PARP16: variants seen among roughly 807,000 people sequenced by gnomAD.
PARP16 encodes the protein poly(ADP-ribose) polymerase family member 16.
PARP16 carries 31 observed loss-of-function variants against 35.0 expected under a neutral mutation model. The ratio of observed to expected loss-of-function variants is 0.88; its 90% CI spans 0.66 to 1.19. PARP16 has a LOEUF of 1.19. PARP16 is among the 50% of genes most tolerant of loss of function. PARP16 has a pLI of 0.00. For synonymous variants in PARP16, 162 were observed against 169.5 expected (o/e 0.96, Z 0.34); for missense variants, 424 against 411.2 (o/e 1.03, Z -0.27).
chr15:65,260,740 T>A (rs1300781697), intron 5 of PARP16, 145 bp downstream of exon 5: 4 of 703,914 alleles, frequency 5.7e-6, no homozygotes, highest in Non-Finnish European at 2.5e-6. Flanking sequence ...ATCCTATCTC[T>A]CACTTCTCAC....
At chr15:65,266,482 G>A in intron 3 of PARP16, 80 bp downstream of exon 3, 2 of 1,218,060 alleles carry the variant, frequency 1.6e-6, no homozygotes, top group Non-Finnish European at 2.4e-6. Flanking sequence ...CAAACTCCTA[G>A]GGTTCTGAAT....
At chr15:65,264,622 A>G (rs2089834419) in intron 3 of PARP16, among the ~76,000 whole-genome samples, 2 of 152,140 alleles carry the variant, frequency 1.3e-5, no homozygotes, top group Admixed American at 6.6e-5. Flanking sequence ...ACCTTCTCCA[A>G]TGACACTGGA....
chr15:65,274,555 C>T (rs2090191842), intron 1 of PARP16, among the ~76,000 whole-genome samples: 1 of 146,078 alleles, frequency 6.8e-6, no homozygotes, highest in Non-Finnish European at 1.5e-5. Flanking sequence ...GCCTGGGTGA[C>T]AGAGTGAAAC....
chr15:65,240,150 T>C (rs2089016365), intron 3 of PARP16, among the ~76,000 whole-genome samples: 1 of 150,732 alleles, frequency 6.6e-6, no homozygotes, highest in Admixed American at 6.6e-5. Flanking sequence ...TTTCTTTTCT[T>C]TTTTTTGTTT....
chr15:65,233,474 C>T (rs1280058084), downstream of PARP16, among the ~76,000 whole-genome samples: 2 of 152,096 alleles, frequency 1.3e-5, no homozygotes, highest in African/African-American at 2.4e-5. Flanking sequence ...CACGGTGGCT[C>T]ATGCCTGTAA....
At chr15:65,239,636 T>C (rs2088994609) in intron 3 of PARP16, among the ~76,000 whole-genome samples, 2 of 146,590 alleles carry the variant, frequency 1.4e-5, no homozygotes, top group Non-Finnish European at 1.5e-5. Flanking sequence ...TTTTATGTGA[T>C]AGAAAATAGT....
chr15:65,278,986 T>G (rs554462761), intron 1 of PARP16, among the ~76,000 whole-genome samples: 2 of 152,240 alleles, frequency 1.3e-5, no homozygotes, highest in African/African-American at 4.8e-5. Flanking sequence ...TACAATTTGC[T>G]TTGCACAAAC....
Position 65,262,645 on chromosome 15 carries a change from C to T in PARP16, c.691+504G>A, listed in dbSNP as rs192974495. On this transcript the variant is annotated intron_variant, in intron 4 of 5. Transcript: ENST00000649807. The stretch of plus-strand genomic sequence containing the variant: ...TCACATCCTGGAGGGATCTGGCACA[C>T]GCCAGTGTAGATCGGAGGGTCTGGA... Among the ~76,000 whole-genome samples, 421 of 152,280 alleles carry T rather than the reference C, an allele frequency of 2.8e-3. 1 individual carries two copies. The highest frequency in any genetic ancestry group is 9.4e-3 in the African/African-American group (391 of 41,550).
intron 1 of PARP16, among the ~76,000 whole-genome samples, chr15:65,273,168 C>G (rs922941007): frequency 6.6e-6 from 1 of 150,832 alleles, no homozygotes; most frequent in Non-Finnish European, 1.5e-5. Context: ...GTCCCAGCTA[C>G]TCGGGAGGCC....
At chr15:65,232,066 G>A (rs368826992), downstream of PARP16, among the ~76,000 whole-genome samples, 101 of 152,128 alleles carry the variant, frequency 6.6e-4, no homozygotes, top group African/African-American at 1.7e-3. Context: ...AGACTACACC[G>A]TCACCTACCT....
chr15:65,239,424 T>TAAAAA (rs758350761), intron 3 of PARP16, among the ~76,000 whole-genome samples: 13 of 6,950 alleles, frequency 1.9e-3, no homozygotes, highest in East Asian at 0.026. Flanking sequence ...AGACTTTGCC[T>TAAAAA]AAAAAAAAAA....
chr15:65,259,309 C>T lies in PARP16; in HGVS notation c.*98G>A. 1.6e-6 allele frequency: 2 copies of T among 1,268,592 alleles called. No individual in the cohort carries two copies. The highest frequency in any genetic ancestry group is 1.1e-6 in the Non-Finnish European group (1 of 885,296). 78.6% of individuals were successfully genotyped at this position (1,268,592 alleles called of 1,614,324 possible). The stretch of plus-strand genomic sequence containing the variant: ...TTGTCCTGTGGTCCCCCAACTGGCC[C>T]CTAGGCTCAACCTGGCTGGACATGA... On this transcript the variant is annotated 3_prime_UTR_variant, in exon 6 of 6. Coordinates refer to ENST00000649807, the MANE Select transcript of PARP16 (RefSeq NM_001316943.2).
At chr15:65,286,154 G>C (rs569457470) in intron 1 of PARP16, 99 bp downstream of exon 1, 1 of 1,001,484 alleles carries the variant, frequency 1.0e-6, no homozygotes, top group Admixed American at 3.7e-5. Context: ...TCTGGCGGCT[G>C]TCATGTTTAC....
chr15:65,251,551 G>C (rs1446657728), intron 2 of PARP16, among the ~76,000 whole-genome samples: 1 of 150,168 alleles, frequency 6.7e-6, no homozygotes, highest in Non-Finnish European at 1.5e-5. Context: ...ATGGCAGCCA[G>C]ATGGCAGCCT....
downstream of PARP16, among the ~76,000 whole-genome samples, chr15:65,231,999 G>T (rs1173843191): frequency 6.6e-6 from 1 of 151,908 alleles, no homozygotes; most frequent in Non-Finnish European, 1.5e-5. Flanking sequence ...TAGTGCCAAT[G>T]AATTCTTGCT....
intron 1 of PARP16, among the ~76,000 whole-genome samples, chr15:65,275,114 C>CAA (rs768915567): frequency 7.7e-6 from 1 of 129,416 alleles, no homozygotes. Flanking sequence ...GACCCTGTCT[C>CAA]AAAAAAAAAA....
intron 2 of PARP16, among the ~76,000 whole-genome samples, chr15:65,267,323 C>G (rs988567389): frequency 1.1e-4 from 16 of 151,726 alleles, no homozygotes; most frequent in African/African-American, 3.9e-4. Flanking sequence ...GTGGAGATCA[C>G]AGGGCTGGGT....
intron 2 of PARP16, among the ~76,000 whole-genome samples, chr15:65,269,736 A>G (rs2090033959): frequency 6.6e-6 from 1 of 152,216 alleles, no homozygotes; most frequent in African/African-American, 2.4e-5. Flanking sequence ...TACTTGGGCA[A>G]TACAAAAAGT....
At chr15:65,257,068 C>T (rs1407649222), downstream of PARP16, among the ~76,000 whole-genome samples, 2 of 152,148 alleles carry the variant, frequency 1.3e-5, no homozygotes, top group Non-Finnish European at 2.9e-5. Context: ...GGATCACTTG[C>T]GGTCAGAATT....
Sources: gnomAD v4.1 joint callset for allele counts (sites outside exome capture counted in the v4.1 genomes callset) on GRCh38, gnomAD v4.1.1 for gene constraint, MANE v1.5 for transcripts, NCBI Gene and HGNC (gene_info 2026-07-23, HGNC 2026-07-21) for gene names.